SNAP91: variants seen among roughly 807,000 people sequenced by gnomAD.
SNAP91 encodes synaptosome associated protein 91.
Under a neutral mutation model 100.3 loss-of-function variants are expected in SNAP91, and 27 were observed. The observed-to-expected ratio is 0.27, with a 90% CI of 0.20 to 0.37. The LOEUF (loss-of-function observed/expected upper bound fraction) is 0.37. Ranked by LOEUF, SNAP91 falls within the 10% of genes least tolerant of loss-of-function variation. The probability of loss-of-function intolerance (pLI) is 1.00; values close to 1 mark genes in which losing one functional copy is unlikely to be tolerated. For missense variants in SNAP91, 986 were observed against 1,123.7 expected (o/e 0.88, Z 1.75); for synonymous variants, 404 against 398.6 (o/e 1.01, Z -0.16).
At chr6:83,617,817 A>G (rs996156062) in intron 9 of SNAP91, among the ~76,000 whole-genome samples, 1 of 149,946 alleles carries the variant, frequency 6.7e-6, no homozygotes, top group African/African-American at 2.5e-5. Context: ...TCTATTCCTT[A>G]AGCATTAGAG....
Position 83,591,974 on chromosome 6 carries a change from G to T in SNAP91, c.1930+481C>A, listed in dbSNP as rs149176237. ...CATTTTCCAATCCTTCTAACTCTTT[G>T]TAAGGATAGCAAAACATTATAAATA... On this transcript the variant is annotated intron_variant, in intron 21 of 29. Coordinates refer to ENST00000369694, the MANE Select transcript of SNAP91 (RefSeq NM_001242792.2). Among the ~76,000 whole-genome samples, 232 of 152,300 alleles carry T rather than the reference G, an allele frequency of 1.5e-3. 1 individual carries two copies. The highest frequency in any genetic ancestry group is 4.8e-3 in the African/African-American group (201 of 41,554).
chr6:83,656,839 A>T lies in SNAP91; in HGVS notation c.573T>A (p.Gly191=). 1 of 1,599,042 alleles carries T rather than the reference A, an allele frequency of 6.3e-7. No individual in the cohort carries two copies. Among genetic ancestry groups the T allele is most frequent in the Non-Finnish European group, 8.5e-7 (1 of 1,171,842 alleles). ...FDVHPNELTN[G]VINAAFMLLF... is the part of the protein sequence containing the mutation. Reference sequence around the variant, plus strand: ...GAAGCATAAATGCTGCATTTATGACACCATTTGTTAGTTCATTTGGATGCA... The same window carrying T: ...GAAGCATAAATGCTGCATTTATGACTCCATTTGTTAGTTCATTTGGATGCA... Residue 191 remains glycine, a synonymous_variant, in exon 7 of 30, where the codon GGT becomes GGA. Transcript: ENST00000369694.
At chr6:83,613,005 T>C (rs903189412) in intron 11 of SNAP91, among the ~76,000 whole-genome samples, 5 of 151,810 alleles carry the variant, frequency 3.3e-5, no homozygotes, top group Admixed American at 2.6e-4. Flanking sequence ...AGAATGAAGA[T>C]ATAATAAAAA....
chr6:83,687,783 G>T lies in SNAP91; in HGVS notation c.130+20015C>A, dbSNP rs180929951. ...AACTGGGACTAGCAGGGGCAGAGGA[G>T]ATTGTAGGATTTATATTTATTTTGT... On this transcript the variant is annotated intron_variant, in intron 2 of 29. Coordinates refer to ENST00000369694, the MANE Select transcript of SNAP91 (RefSeq NM_001242792.2). Among the ~76,000 whole-genome samples, 4 of 152,304 alleles carry T rather than the reference G, an allele frequency of 2.6e-5. No homozygotes were observed. The East Asian group carries it at 7.7e-4, about 29-fold the overall frequency.
At chr6:83,708,816 G>A (rs1245143394) in intron 1 of SNAP91, 29 bp downstream of exon 1, 1 of 152,092 alleles carries the variant, frequency 6.6e-6, no homozygotes, top group Non-Finnish European at 1.5e-5. Context: ...GGCGCGGGGA[G>A]GGGGCCGAGT....
intron 29 of SNAP91, among the ~76,000 whole-genome samples, chr6:83,554,874 C>A (rs1433809812): frequency 6.6e-6 from 1 of 152,118 alleles, no homozygotes; most frequent in Non-Finnish European, 1.5e-5. Context: ...GCATAGATAA[C>A]TCTTCATAAA....
intron 9 of SNAP91, among the ~76,000 whole-genome samples, chr6:83,621,641 C>T (rs762158322): frequency 7.2e-5 from 11 of 152,066 alleles, no homozygotes; most frequent in Non-Finnish European, 1.5e-4. Context: ...CAATGATGTA[C>T]TTTCAATGAC....
intron 4 of SNAP91, 121 bp downstream of exon 4, chr6:83,662,226 A>G (rs1241890791): frequency 5.7e-6 from 2 of 353,576 alleles, no homozygotes; most frequent in African/African-American, 2.1e-5. Flanking sequence ...ATATTTAAAT[A>G]TAATTATTTT....
At chr6:83,594,619 C>A (rs146253408) in intron 16 of SNAP91, 138 bp from the exon 17 acceptor site, 322 of 551,406 alleles carry the variant, frequency 5.8e-4, no homozygotes, top group African/African-American at 5.5e-3. Context: ...ATGGCCCATG[C>A]GCTGTCGGTG....
chr6:83,684,311 C>T (rs926246241), intron 2 of SNAP91, among the ~76,000 whole-genome samples: 1 of 152,162 alleles, frequency 6.6e-6, no homozygotes, highest in Non-Finnish European at 1.5e-5. Context: ...AAGGCTGACA[C>T]AGACCTCCTG....
At chr6:83,691,369 C>A (rs2099127969) in intron 2 of SNAP91, among the ~76,000 whole-genome samples, 1 of 152,082 alleles carries the variant, frequency 6.6e-6, no homozygotes, top group African/African-American at 2.4e-5. Context: ...TAACTAAATT[C>A]TGTTATATGG....
chr6:83,631,748 C>G (rs978497732), intron 8 of SNAP91, among the ~76,000 whole-genome samples: 1 of 151,974 alleles, frequency 6.6e-6, no homozygotes, highest in African/African-American at 2.4e-5. Flanking sequence ...GTGAGTCTCT[C>G]GAAGGCAGCA....
At chr6:83,610,605 TAAAAAAC>T in intron 12 of SNAP91, 38 bp downstream of exon 12, 1 of 589,790 alleles carries the variant, frequency 1.7e-6, no homozygotes, top group Non-Finnish European at 3.2e-6. Context: ...GGTAAAATGG[TAAAAAAC>T]AAAAAACAAA....
chr6:83,695,044 G>C (rs1338599667), intron 2 of SNAP91, among the ~76,000 whole-genome samples: 1 of 151,962 alleles, frequency 6.6e-6, no homozygotes. Context: ...GGCCGAGGTG[G>C]GCGGATCACT....
intron 11 of SNAP91, among the ~76,000 whole-genome samples, chr6:83,613,613 C>T (rs929511766): frequency 1.3e-5 from 2 of 152,194 alleles, no homozygotes; most frequent in Non-Finnish European, 2.9e-5. Flanking sequence ...TCTCATCATG[C>T]TTTAACGGTG....
intron 2 of SNAP91, among the ~76,000 whole-genome samples, chr6:83,682,363 TTGTG>T (rs909969527): frequency 3.3e-5 from 5 of 151,292 alleles, no homozygotes; most frequent in African/African-American, 1.2e-4. Flanking sequence ...GTGTTTTTGT[TTGTG>T]TGTTTGTTGT....
chr6:83,605,952 A>G, intron 13 of SNAP91, 149 bp from the exon 14 acceptor site: 1 of 711,434 alleles, frequency 1.4e-6, no homozygotes, highest in Non-Finnish European at 2.2e-6. Context: ...GAGCTATAGC[A>G]TATACCAAGA....
intron 8 of SNAP91, among the ~76,000 whole-genome samples, chr6:83,640,031 T>C (rs72903549): frequency 6.6e-6 from 1 of 152,322 alleles, no homozygotes; most frequent in Non-Finnish European, 1.5e-5. Context: ...AACGTGAATG[T>C]GCTTTAATGT....
intron 2 of SNAP91, among the ~76,000 whole-genome samples, chr6:83,706,502 T>A (rs1317402847): frequency 2.0e-5 from 3 of 152,216 alleles, no homozygotes; most frequent in African/African-American, 4.8e-5. Flanking sequence ...AATGGTACTT[T>A]CCCCTCCGAT....
Sources: gnomAD v4.1 joint callset for allele counts (sites outside exome capture counted in the v4.1 genomes callset) on GRCh38, gnomAD v4.1.1 for gene constraint, MANE v1.5 for transcripts, NCBI Gene and HGNC (gene_info 2026-07-23, HGNC 2026-07-21) for gene names.